The following HSBP1 variants were observed in gnomAD, a reference collection of about 807,000 sequenced individuals.
HSBP1 encodes heat shock factor binding protein 1, also known as heat shock factor-binding protein 1.
A neutral mutation model predicts 9.6 loss-of-function variants in HSBP1; 5 were observed. The ratio of observed to expected loss-of-function variants is 0.52; its 90% confidence interval spans 0.27 to 1.09. The LOEUF (loss-of-function observed/expected upper bound fraction) is 1.09, where lower values mean the gene tolerates loss of function less well. Among genes scored for constraint, HSBP1 ranks in the 50% least tolerant of loss-of-function variants. The pLI is 0.11. For synonymous variants in HSBP1, 42 were observed against 33.3 expected (o/e 1.26, Z -0.90); for missense variants, 121 against 96.3 (o/e 1.26, Z -1.07).
chr16:83,808,384 C>T, intron 1 of HSBP1: 1 of 554,968 alleles, frequency 1.8e-6, no homozygotes, highest in South Asian at 2.3e-5. Flanking sequence ...GTCCCTCCCG[C>T]CTACCTCTGA....
Position 83,813,261 on chromosome 16 carries a change from G to T in HSBP1, c.*1843G>T, listed in dbSNP as rs376151984. Reference sequence around the variant, plus strand: ...GATGCTGCAGGAAGGAAGGGGTTATGGTCACTTGGGTTTAGACGACATTCT... The same window carrying T: ...GATGCTGCAGGAAGGAAGGGGTTATTGTCACTTGGGTTTAGACGACATTCT... On this transcript the variant is annotated 3_prime_UTR_variant, in exon 4 of 4. Transcript: ENST00000433866. 5.2e-5 allele frequency: 8 copies of T among 152,414 alleles called. No individual in the cohort carries two copies. Among genetic ancestry groups the T allele is most frequent in the East Asian group, 3.9e-4 (2 of 5,182 alleles). The allele number at this position is 152,414 out of a possible 1,614,324, so 9.4% of individuals were successfully genotyped here.
At position 83,818,836 on chromosome 16, in the gene HSBP1, C is replaced by T. The variant is rs1904777646; in HGVS notation, c.*7418C>T. 1 of 152,110 alleles carries T rather than the reference C, an allele frequency of 6.6e-6. No individual in the cohort carries two copies. The highest frequency in any genetic ancestry group is 1.5e-5 in the Non-Finnish European group (1 of 68,024). The allele number at this position is 152,110 out of a possible 1,614,324, so 9.4% of individuals were successfully genotyped here. A position where few individuals can be genotyped will look rare whatever the true frequency, so the allele number is the denominator to read the frequency against. ...CAACAGATTTTTTTCTTTTTTGCCTCGGATTTCAACAAAACATACATGGAA... is the reference window on the plus strand; with the variant it reads ...CAACAGATTTTTTTCTTTTTTGCCTTGGATTTCAACAAAACATACATGGAA... On this transcript the variant is annotated 3_prime_UTR_variant, in exon 4 of 4. Coordinates refer to ENST00000433866, the MANE Select transcript of HSBP1 (RefSeq NM_001537.4).
chr16:83,808,325 GCCCGA>G (rs1904510481), intron 1 of HSBP1: 1 of 561,644 alleles, frequency 1.8e-6, no homozygotes, highest in Non-Finnish European at 3.1e-6. Flanking sequence ...GCGCCCCCAA[GCCCGA>G]CCCCTTCCAG....
In HSBP1 at chr16:83,817,864, A is replaced by G. The variant is rs1904756419; in HGVS notation, c.*6446A>G. ...TTGAGGCAAAGGACTGGACCGAATT[A>G]TTCATGGAACAGAAGCCTAGGACTG... On this transcript the variant is annotated 3_prime_UTR_variant, in exon 4 of 4. Coordinates refer to ENST00000433866, the MANE Select transcript of HSBP1 (RefSeq NM_001537.4). 6.6e-6 allele frequency: 1 copy of G among 152,188 alleles called. No homozygotes were observed. Among genetic ancestry groups the G allele is most frequent in the Non-Finnish European group, 1.5e-5 (1 of 68,034 alleles). 9.4% of individuals were successfully genotyped at this position (152,188 alleles called of 1,614,324 possible). A position where few individuals can be genotyped will look rare whatever the true frequency, so the allele number is the denominator to read the frequency against.
intron 3 of HSBP1, 22 bp downstream of exon 3, chr16:83,809,447 T>C (rs1567607830): frequency 4.0e-6 from 5 of 1,245,210 alleles, no homozygotes; most frequent in East Asian, 2.5e-5. Flanking sequence ...GGCAATTTTT[T>C]TTTTCTTTTC....
intron 3 of HSBP1, 87 bp from the exon 4 acceptor site, chr16:83,811,334 G>A (rs942325296): frequency 6.6e-6 from 1 of 152,226 alleles, no homozygotes; most frequent in African/African-American, 2.4e-5. Context: ...AGAGTGGAAA[G>A]GGATTTGTAG....
rs16961869 is a variant in HSBP1 at position 83,819,391 on chromosome 16, T to A, written c.*7973T>A. 6 of 152,052 alleles carry A rather than the reference T, an allele frequency of 3.9e-5. No individual in the cohort carries two copies. The highest frequency in any genetic ancestry group is 5.9e-5 in the Non-Finnish European group (4 of 68,018). The allele number at this position is 152,052 out of a possible 1,614,324, so 9.4% of individuals were successfully genotyped here. On this transcript the variant is annotated 3_prime_UTR_variant, in exon 4 of 4. Coordinates refer to ENST00000433866, the MANE Select transcript of HSBP1 (RefSeq NM_001537.4). The stretch of plus-strand genomic sequence containing the variant: ...CAGGCCTGGGCTAGTCCTAAAATAA[T>A]TGAAAAGGAATTGATTCTTAATTAC...
Position 83,808,688 on chromosome 16 carries a change from A to G in HSBP1, c.54A>G (p.Thr18=). ...GTTTCGGTTTTTCTTAGGTGCAGAC[A>G]CTCCTGCAGCAGATGCAAGATAAAT... The part of the protein sequence containing the change: ...TVQDLTSVVQ[T]LLQQMQDKFQ... Residue 18 remains threonine, a synonymous_variant, in exon 2 of 4, where the codon ACA becomes ACG. Coordinates refer to ENST00000433866, the MANE Select transcript of HSBP1 (RefSeq NM_001537.4). The G allele has an allele frequency of 6.2e-7, 1 of 1,611,566 alleles. No individual in the cohort carries two copies. The highest frequency in any genetic ancestry group is 1.1e-5 in the South Asian group (1 of 90,836).
chr16:83,816,661 A>G lies in HSBP1; in HGVS notation c.*5243A>G, dbSNP rs998535670. The G allele has an allele frequency of 3.9e-5, 6 of 152,126 alleles. No homozygotes were observed. Among genetic ancestry groups the G allele is most frequent in the Non-Finnish European group, 8.8e-5 (6 of 68,044 alleles). The allele number at this position is 152,126 out of a possible 1,614,324, so 9.4% of individuals were successfully genotyped here. ...CAGGTTGGGGGTGTTACTGGCATCAAGAGTGTAGAAACCAGGGATGCTGCG... is the reference window on the plus strand; with the variant it reads ...CAGGTTGGGGGTGTTACTGGCATCAGGAGTGTAGAAACCAGGGATGCTGCG... On this transcript the variant is annotated 3_prime_UTR_variant, in exon 4 of 4. Coordinates refer to ENST00000433866, the MANE Select transcript of HSBP1 (RefSeq NM_001537.4).
At position 83,819,543 on chromosome 16, in the gene HSBP1, G is replaced by C. The variant is rs1038294132; in HGVS notation, c.*8125G>C. 1 of 152,124 alleles carries C rather than the reference G, an allele frequency of 6.6e-6. No individual in the cohort carries two copies. The highest frequency in any genetic ancestry group is 2.4e-5 in the African/African-American group (1 of 41,402). 9.4% of individuals were successfully genotyped at this position (152,124 alleles called of 1,614,324 possible). ...CCATGAAGACTTGAATCACTTTAAA[G>C]CAATTTGCTTCTTATTAAAATGTAC... On this transcript the variant is annotated 3_prime_UTR_variant, in exon 4 of 4. Coordinates refer to ENST00000433866, the MANE Select transcript of HSBP1 (RefSeq NM_001537.4).
Position 83,812,814 on chromosome 16 carries a change from G to A in HSBP1, c.*1396G>A, listed in dbSNP as rs1410354086. On this transcript the variant is annotated 3_prime_UTR_variant, in exon 4 of 4. Coordinates refer to ENST00000433866, the MANE Select transcript of HSBP1 (RefSeq NM_001537.4). ...ATTGACCAGACCATCCGAAACCTGC[G>A]TCCCTGGTGATGTTCTCAAGCCTCG... 2.6e-5 allele frequency: 4 copies of A among 152,248 alleles called. No homozygotes were observed. The highest frequency in any genetic ancestry group is 2.1e-4 in the South Asian group (1 of 4,826). The allele number at this position is 152,248 out of a possible 1,614,324, so 9.4% of individuals were successfully genotyped here. A position where few individuals can be genotyped will look rare whatever the true frequency, so the allele number is the denominator to read the frequency against.
At chr16:83,810,098 T>G (rs1440450446) in intron 3 of HSBP1, among the ~76,000 whole-genome samples, 1 of 151,896 alleles carries the variant, frequency 6.6e-6, no homozygotes, top group Non-Finnish European at 1.5e-5. Flanking sequence ...GATTTTCCAT[T>G]GCTTTTTTTT....
Position 83,816,347 on chromosome 16 carries a change from C to G in HSBP1, c.*4929C>G, listed in dbSNP as rs2151032211. 6.6e-6 allele frequency: 1 copy of G among 152,196 alleles called. No individual in the cohort carries two copies. The highest frequency in any genetic ancestry group is 1.9e-4 in the East Asian group (1 of 5,182). 9.4% of individuals were successfully genotyped at this position (152,196 alleles called of 1,614,324 possible). ...CTCAGGAGGTGGAAGTTGCAGTGAG[C>G]CGAGATCGTGCCACTGCACTCCAGC... On this transcript the variant is annotated 3_prime_UTR_variant, in exon 4 of 4. Transcript: ENST00000433866.
Position 83,817,541 on chromosome 16 carries a change from C to G in HSBP1, c.*6123C>G, listed in dbSNP as rs1365501591. On this transcript the variant is annotated 3_prime_UTR_variant, in exon 4 of 4. Coordinates refer to ENST00000433866, the MANE Select transcript of HSBP1 (RefSeq NM_001537.4). Reference sequence around the variant, plus strand: ...ATCAAAAAGTTTTCCAGCTGGAATTCATCTCCCTCTAATCAGCCTTCAAAA... The same window carrying G: ...ATCAAAAAGTTTTCCAGCTGGAATTGATCTCCCTCTAATCAGCCTTCAAAA... 6.6e-6 allele frequency: 1 copy of G among 152,210 alleles called. No individual in the cohort carries two copies. The allele number at this position is 152,210 out of a possible 1,614,324, so 9.4% of individuals were successfully genotyped here.
At position 83,813,811 on chromosome 16, in the gene HSBP1, C is replaced by G. The variant is rs778308900; in HGVS notation, c.*2393C>G. ...GGCCCCACAGCTTCTTCATTTGGCC[C>G]CTAGTTCATCCTGCTTTCCTTTGAG... On this transcript the variant is annotated 3_prime_UTR_variant, in exon 4 of 4. Coordinates refer to ENST00000433866, the MANE Select transcript of HSBP1 (RefSeq NM_001537.4). 2.0e-5 allele frequency: 3 copies of G among 152,100 alleles called. No homozygotes were observed. The highest frequency in any genetic ancestry group is 4.4e-5 in the Non-Finnish European group (3 of 68,026). The allele number at this position is 152,100 out of a possible 1,614,324, so 9.4% of individuals were successfully genotyped here.
At chr16:83,810,701 G>C (rs894232905) in intron 3 of HSBP1, among the ~76,000 whole-genome samples, 3 of 151,360 alleles carry the variant, frequency 2.0e-5, no homozygotes, top group Admixed American at 6.6e-5. Context: ...GGTGGTGCAC[G>C]CCTGTAATCC....
rs1904790878 is a variant in HSBP1, at chr16:83,819,411, A to T, written c.*7993A>T. The T allele has an allele frequency of 6.6e-6, 1 of 152,046 alleles. No homozygotes were observed. The highest frequency in any genetic ancestry group is 6.6e-5 in the Admixed American group (1 of 15,224). 9.4% of individuals were successfully genotyped at this position (152,046 alleles called of 1,614,324 possible). ...AATAATTGAAAAGGAATTGATTCTTAATTACCCAGAACGTCCACGCTCTAG... is the reference window on the plus strand; with the variant it reads ...AATAATTGAAAAGGAATTGATTCTTTATTACCCAGAACGTCCACGCTCTAG... On this transcript the variant is annotated 3_prime_UTR_variant, in exon 4 of 4. Coordinates refer to ENST00000433866, the MANE Select transcript of HSBP1 (RefSeq NM_001537.4).
Position 83,813,932 on chromosome 16 carries a change from C to T in HSBP1, c.*2514C>T, listed in dbSNP as rs921864366. On this transcript the variant is annotated 3_prime_UTR_variant, in exon 4 of 4. Transcript: ENST00000433866. Reference sequence around the variant, plus strand: ...CATTGTTTAACCCTATCAGGACTAACACAATATTTCACGTAACTAAGAGTT... The same window carrying T: ...CATTGTTTAACCCTATCAGGACTAATACAATATTTCACGTAACTAAGAGTT... The T allele has an allele frequency of 9.9e-5, 15 of 152,122 alleles. No individual in the cohort carries two copies. The highest frequency in any genetic ancestry group is 3.6e-4 in the African/African-American group (15 of 41,410). 9.4% of individuals were successfully genotyped at this position (152,122 alleles called of 1,614,324 possible).
rs1015069544 is a variant in HSBP1 at position 83,811,591 on chromosome 16, A to G, written c.*173A>G. The G allele has an allele frequency of 2.0e-5, 3 of 152,224 alleles. No individual in the cohort carries two copies. Among genetic ancestry groups the G allele is most frequent in the East Asian group, 1.9e-4 (1 of 5,202 alleles). 9.4% of individuals were successfully genotyped at this position (152,224 alleles called of 1,614,324 possible). On this transcript the variant is annotated 3_prime_UTR_variant, in exon 4 of 4. Coordinates refer to ENST00000433866, the MANE Select transcript of HSBP1 (RefSeq NM_001537.4). The stretch of plus-strand genomic sequence containing the variant: ...GTGATTTCCCCCCAGTTTCTTGAAC[A>G]TGGTATCTTCACATCTTGGACCTTG...
Sources: gnomAD v4.1 joint callset for allele counts (sites outside exome capture counted in the v4.1 genomes callset) on GRCh38, gnomAD v4.1.1 for gene constraint, MANE v1.5 for transcripts, NCBI Gene and HGNC (gene_info 2026-07-23, HGNC 2026-07-21) for gene names.